CFAP299: variants seen among roughly 807,000 people sequenced by gnomAD.
The protein encoded by CFAP299 is cilia- and flagella-associated protein 299.
Under a neutral mutation model 27.0 loss-of-function variants are expected in CFAP299, and 21 were observed. The observed-to-expected ratio is 0.78, with a 90% CI of 0.55 to 1.12. The LOEUF (loss-of-function observed/expected upper bound fraction) is 1.12. CFAP299 is among the 50% of genes most tolerant of loss of function. The pLI is 0.00. For synonymous variants in CFAP299, 104 were observed against 98.1 expected, an observed-to-expected ratio of 1.06 and a Z score of -0.36; for missense variants, 310 against 276.6, an observed-to-expected ratio of 1.12 and a Z score of -0.86.
intron 2 of CFAP299, chr4:80,420,104 G>T: frequency 2.3e-6 from 1 of 433,814 alleles, no homozygotes; most frequent in Non-Finnish European, 4.7e-6. Context: ...ATGGGAGGGG[G>T]AGAAGAGCAG....
chr4:80,412,568 C>CAG (rs1053515702), intron 2 of CFAP299, among the ~76,000 whole-genome samples: 2 of 151,994 alleles, frequency 1.3e-5, no homozygotes, highest in Non-Finnish European at 2.9e-5. Context: ...GACCTTGCCT[C>CAG]AGAGAGAGAA....
chr4:80,321,341 A>G, the CFAP299 span, among the ~76,000 whole-genome samples: 6 of 152,204 alleles, frequency 3.9e-5, no homozygotes, highest in East Asian at 9.7e-4. Context: ...TTTCTTCTAG[A>G]CAGCAAAGGA....
chr4:80,765,775 T>C (rs2110080661), intron 3 of CFAP299, among the ~76,000 whole-genome samples: 1 of 152,250 alleles, frequency 6.6e-6, no homozygotes, highest in Admixed American at 6.5e-5. Flanking sequence ...ATATTATTTA[T>C]GTTATTTATC....
At chr4:80,889,150 C>T (rs981229118) in intron 4 of CFAP299, among the ~76,000 whole-genome samples, 3 of 149,650 alleles carry the variant, frequency 2.0e-5, no homozygotes, top group Admixed American at 6.7e-5. Context: ...CAAAAATAAA[C>T]GAATTTGAAA....
intron 2 of CFAP299, among the ~76,000 whole-genome samples, chr4:80,465,923 C>T (rs1475818956): frequency 1.3e-5 from 2 of 152,162 alleles, no homozygotes; most frequent in African/African-American, 4.8e-5. Flanking sequence ...ACATTCACAA[C>T]CCTGAGGATT....
intron 3 of CFAP299, among the ~76,000 whole-genome samples, chr4:80,631,757 C>T (rs913242367): frequency 1.3e-5 from 2 of 151,482 alleles, no homozygotes; most frequent in Middle Eastern, 3.2e-3. Context: ...GCTTTAGCCA[C>T]GTGAACAATA....
At chr4:80,844,330 C>T (rs1731040233) in intron 3 of CFAP299, among the ~76,000 whole-genome samples, 1 of 152,190 alleles carries the variant, frequency 6.6e-6, no homozygotes, top group African/African-American at 2.4e-5. Context: ...AATCATCACA[C>T]TGACTTCCAC....
chr4:80,397,838 G>A (rs1315958369), intron 2 of CFAP299, among the ~76,000 whole-genome samples: 4 of 152,106 alleles, frequency 2.6e-5, no homozygotes, highest in African/African-American at 7.2e-5. Flanking sequence ...TCTGGCCAGG[G>A]CAATCAGGCA....
chr4:80,826,787 G>T (rs1387765911), intron 3 of CFAP299, among the ~76,000 whole-genome samples: 2 of 151,862 alleles, frequency 1.3e-5, no homozygotes, highest in Admixed American at 6.6e-5. Flanking sequence ...CATTGTCCAT[G>T]ATAGTTTATA....
In CFAP299 at chr4:80,896,778, T is replaced by C. The variant is rs575320400; in HGVS notation, c.476+26643T>C. ...CACTGACAGATTTTATTTCACCTAGTGCTTATAACACAATGGCTCAAAATA... is the reference window on the plus strand; with the variant it reads ...CACTGACAGATTTTATTTCACCTAGCGCTTATAACACAATGGCTCAAAATA... On this transcript the variant is annotated intron_variant, in intron 4 of 5. Transcript: ENST00000358105. 8.5e-5 allele frequency among the ~76,000 whole-genome samples: 13 copies of C among 152,314 alleles called. No homozygotes were observed. The East Asian group carries it at 2.5e-3, about 29-fold the overall frequency.
At position 80,416,892 on chromosome 4, in the gene CFAP299, G is replaced by T. The variant is rs1489496280; in HGVS notation, c.242+54008G>T. ...AGTTCCTATCCAGACTCCAAGAAGG[G>T]GTTCTTGGATCTCATGCAAGAAATA... On this transcript the variant is annotated intron_variant, in intron 2 of 5. Coordinates refer to ENST00000358105, the MANE Select transcript of CFAP299 (RefSeq NM_152770.3). Among the ~76,000 whole-genome samples, 10 of 152,250 alleles carry T rather than the reference G, an allele frequency of 6.6e-5. No homozygotes were observed. The East Asian group carries it at 1.9e-3, about 29-fold the overall frequency.
intron 2 of CFAP299, among the ~76,000 whole-genome samples, chr4:80,545,803 C>T (rs889833785): frequency 5.9e-5 from 9 of 152,100 alleles, no homozygotes; most frequent in African/African-American, 2.2e-4. Flanking sequence ...AAAGAGAAAA[C>T]TTCTGGTCAA....
chr4:80,556,668 A>G (rs1223750103), intron 2 of CFAP299, among the ~76,000 whole-genome samples: 1 of 152,044 alleles, frequency 6.6e-6, no homozygotes, highest in East Asian at 1.9e-4. Context: ...TGAATTTAAC[A>G]TGAAATTTTG....
At chr4:80,329,210 T>TAC in the CFAP299 span, among the ~76,000 whole-genome samples, 1 of 92,696 alleles carries the variant, frequency 1.1e-5, no homozygotes, top group African/African-American at 3.8e-5. Flanking sequence ...ACTGTATACA[T>TAC]ATATATATAT....
chr4:80,618,440 A>G (rs1379895669), intron 3 of CFAP299, among the ~76,000 whole-genome samples: 2 of 152,112 alleles, frequency 1.3e-5, no homozygotes, highest in African/African-American at 4.8e-5. Flanking sequence ...TACTCCTTTC[A>G]AGTTTATCAG....
At chr4:80,700,023 G>T (rs1266923263) in intron 3 of CFAP299, among the ~76,000 whole-genome samples, 2 of 152,078 alleles carry the variant, frequency 1.3e-5, no homozygotes, top group Non-Finnish European at 2.9e-5. Flanking sequence ...AATGTGAAGA[G>T]ATCTATTTGG....
intron 3 of CFAP299, among the ~76,000 whole-genome samples, chr4:80,644,262 G>T (rs1354960908): frequency 6.6e-6 from 1 of 152,114 alleles, no homozygotes; most frequent in African/African-American, 2.4e-5. Context: ...CAATATAAAA[G>T]GATACAAGCT....
chr4:80,657,524 G>A (rs1740621433), intron 3 of CFAP299, among the ~76,000 whole-genome samples: 1 of 152,110 alleles, frequency 6.6e-6, no homozygotes, highest in Non-Finnish European at 1.5e-5. Context: ...GTTTGTCAAA[G>A]ATCAGATGGT....
intron 3 of CFAP299, among the ~76,000 whole-genome samples, chr4:80,755,004 G>A (rs1053453623): frequency 6.6e-6 from 1 of 152,064 alleles, no homozygotes; most frequent in Non-Finnish European, 1.5e-5. Context: ...GTCATTAATT[G>A]TCAAGACACA....
Sources: gnomAD v4.1 joint callset for allele counts (sites outside exome capture counted in the v4.1 genomes callset) on GRCh38, gnomAD v4.1.1 for gene constraint, MANE v1.5 for transcripts, NCBI Gene and HGNC (gene_info 2026-07-23, HGNC 2026-07-21) for gene names.